Variants in NUP88 observed in about 807,000 individuals in gnomAD.
NUP88 encodes the protein nucleoporin 88, also known as nuclear pore complex protein Nup88.
NUP88 carries 57 observed loss-of-function variants against 93.9 expected under a neutral mutation model. That is an observed-to-expected ratio of 0.61 (90% CI 0.49 to 0.76). NUP88 has a LOEUF of 0.76. NUP88 is among the 30% of genes least tolerant of loss of function. The probability of loss-of-function intolerance (pLI) is 0.00; values close to 1 mark genes in which losing one functional copy is unlikely to be tolerated. For missense variants in NUP88, 911 were observed against 901.0 expected (o/e 1.01, Z -0.14); for synonymous variants, 346 against 336.8 (o/e 1.03, Z -0.30).
intron 4 of NUP88, among the ~76,000 whole-genome samples, chr17:5,409,860 G>A (rs1043651575): frequency 3.3e-5 from 5 of 152,202 alleles, no homozygotes; most frequent in Non-Finnish European, 7.3e-5. Flanking sequence ...GCAAGTCTGT[G>A]GTTAACTAGG....
intron 2 of NUP88, 90 bp downstream of exon 2, chr17:5,416,423 G>A (rs1340980123): frequency 6.0e-6 from 5 of 837,344 alleles, no homozygotes; most frequent in Non-Finnish European, 9.0e-6. Context: ...TGTTTTAAGA[G>A]TAGTATACTA....
At chr17:5,390,402 T>C (rs1567565624) in intron 10 of NUP88, among the ~76,000 whole-genome samples, 1 of 152,106 alleles carries the variant, frequency 6.6e-6, no homozygotes, top group Non-Finnish European at 1.5e-5. Context: ...TTATATTTAT[T>C]TTTACATCCA....
At chr17:5,415,511 T>C (rs752748860) in intron 2 of NUP88, among the ~76,000 whole-genome samples, 1 of 152,190 alleles carries the variant, frequency 6.6e-6, no homozygotes, top group South Asian at 2.1e-4. Context: ...ATTTAGAAGG[T>C]AAACAGTTTA....
At chr17:5,403,959 G>A (rs1312161013) in intron 7 of NUP88, 140 bp downstream of exon 7, 2 of 781,364 alleles carry the variant, frequency 2.6e-6, no homozygotes, top group African/African-American at 1.8e-5. Context: ...GTGTACTATA[G>A]TGACTAAAAA....
chr17:5,385,406 C>A lies in NUP88; in HGVS notation c.*800G>T, dbSNP rs917065257. On this transcript the variant is annotated 3_prime_UTR_variant, in exon 17 of 17. Coordinates refer to ENST00000573584, the MANE Select transcript of NUP88 (RefSeq NM_002532.6). ...CATGTCTAACCTGATTTACCTCTTA[C>A]CTGTAACCTACCTTATCATGTGGCT... 8.7e-6 allele frequency: 2 copies of A among 229,978 alleles called. No individual in the cohort carries two copies. The highest frequency in any genetic ancestry group is 1.7e-5 in the Non-Finnish European group (2 of 116,330). The allele number at this position is 229,978 out of a possible 1,614,324, so 14.2% of individuals were successfully genotyped here. A position where few individuals can be genotyped will look rare whatever the true frequency, so the allele number is the denominator to read the frequency against.
chr17:5,410,337 TACA>T (rs1913759525), intron 4 of NUP88, among the ~76,000 whole-genome samples: 1 of 152,214 alleles, frequency 6.6e-6, no homozygotes, highest in African/African-American at 2.4e-5. Context: ...TCTAGTTCAA[TACA>T]AAGTTAACAA....
intron 4 of NUP88, 45 bp downstream of exon 4, chr17:5,410,658 A>G (rs1451110524): frequency 2.5e-6 from 3 of 1,188,512 alleles, no homozygotes; most frequent in African/African-American, 1.5e-5. Flanking sequence ...TATAATCCCA[A>G]TAAGCTAATT....
intron 1 of NUP88, chr17:5,418,037 G>GT (rs1474056049): frequency 4.0e-5 from 6 of 150,386 alleles, no homozygotes; most frequent in Non-Finnish European, 7.4e-5. Flanking sequence ...CTACTCGCGG[G>GT]GGGGGCTGAG....
chr17:5,407,640 G>A (rs1426793830), intron 5 of NUP88, among the ~76,000 whole-genome samples: 2 of 152,036 alleles, frequency 1.3e-5, no homozygotes, highest in African/African-American at 4.8e-5. Context: ...TCATCATCCT[G>A]TATTTCCAAC....
intron 5 of NUP88, among the ~76,000 whole-genome samples, chr17:5,407,838 CCT>C (rs1274126101): frequency 2.0e-5 from 3 of 152,000 alleles, no homozygotes; most frequent in Non-Finnish European, 4.4e-5. Context: ...TTCATTTTTC[CCT>C]CTGTTCTATT....
intron 6 of NUP88, 84 bp from the exon 7 acceptor site, chr17:5,404,330 G>C (rs1913355720): frequency 1.4e-6 from 2 of 1,453,782 alleles, no homozygotes; most frequent in East Asian, 4.6e-5. Flanking sequence ...AGCTGGGTCA[G>C]GGCCGGGTGC....
rs371452378 is a variant in NUP88 at position 5,394,871 on chromosome 17, A to T, written c.1382+20T>A. 3.3e-6 allele frequency: 5 copies of T among 1,522,752 alleles called. No individual in the cohort carries two copies. Among genetic ancestry groups the T allele is most frequent in the African/African-American group, 1.4e-5 (1 of 73,032 alleles). 94.3% of individuals were successfully genotyped at this position (1,522,752 alleles called of 1,614,324 possible). ...AATGAACAATTGTTTTCTGATATAC[A>T]AGGGAGGGAGAGTCCTTACCTGCAG... On this transcript the variant is annotated intron_variant, in intron 9 of 16. Transcript: ENST00000573584.
At chr17:5,399,968 C>A (rs1168026178) in intron 7 of NUP88, among the ~76,000 whole-genome samples, 6 of 151,842 alleles carry the variant, frequency 4.0e-5, no homozygotes, top group African/African-American at 1.5e-4. Context: ...TTACACTATG[C>A]AGAAAGTTAT....
intron 10 of NUP88, 80 bp downstream of exon 10, chr17:5,391,481 T>C: frequency 2.7e-6 from 3 of 1,099,164 alleles, no homozygotes; most frequent in Non-Finnish European, 4.2e-6. Flanking sequence ...TAGCTTCAAG[T>C]TGGTTACTGA....
At chr17:5,397,713 G>T (rs547049349) in intron 8 of NUP88, among the ~76,000 whole-genome samples, 1 of 150,860 alleles carries the variant, frequency 6.6e-6, no homozygotes, top group Non-Finnish European at 1.5e-5. Flanking sequence ...AGCCAATAAC[G>T]GATTCAGTCT....
intron 3 of NUP88, among the ~76,000 whole-genome samples, chr17:5,413,051 G>A (rs933067280): frequency 2.0e-5 from 3 of 152,312 alleles, no homozygotes; most frequent in Admixed American, 1.3e-4. Context: ...ATTTTCTTTA[G>A]ACAGGGTTTT....
chr17:5,410,674 A>G (rs1335810005), intron 4 of NUP88, 29 bp downstream of exon 4: 8 of 1,371,194 alleles, frequency 5.8e-6, no homozygotes, highest in Non-Finnish European at 8.2e-6. Context: ...TAATTAAAAA[A>G]CCATTTCAAG....
At chr17:5,404,310 A>G in intron 6 of NUP88, 64 bp from the exon 7 acceptor site, 1 of 1,575,532 alleles carries the variant, frequency 6.3e-7, no homozygotes, top group Non-Finnish European at 8.7e-7. Flanking sequence ...ACAATTAAAA[A>G]CAGGCAAAAA....
intron 8 of NUP88, among the ~76,000 whole-genome samples, 196 bp from the exon 9 acceptor site, chr17:5,395,177 T>G (rs536804168): frequency 6.6e-6 from 1 of 152,348 alleles, no homozygotes; most frequent in African/African-American, 2.4e-5. Flanking sequence ...TTTTCCTTCG[T>G]AATGTCTCTG....
Sources: gnomAD v4.1 joint callset for allele counts (sites outside exome capture counted in the v4.1 genomes callset) on GRCh38, gnomAD v4.1.1 for gene constraint, MANE v1.5 for transcripts, NCBI Gene and HGNC (gene_info 2026-07-23, HGNC 2026-07-21) for gene names.